Variants in FARP1 observed in about 807,000 individuals in gnomAD.
FARP1 encodes FERM, ARH/RhoGEF and pleckstrin domain protein 1.
A neutral mutation model predicts 128.8 loss-of-function variants in FARP1; 52 were observed. The observed-to-expected ratio is 0.40, with a 90% confidence interval of 0.32 to 0.51. FARP1 has a LOEUF of 0.51. Ranked by LOEUF, FARP1 falls within the 20% of genes least tolerant of loss-of-function variation. The pLI is 0.45. For synonymous variants in FARP1, 580 were observed against 551.8 expected (o/e 1.05, Z -0.72); for missense variants, 1,333 against 1,367.9 (o/e 0.97, Z 0.40).
At chr13:98,271,375 G>A (rs79207275) in intron 2 of FARP1, among the ~76,000 whole-genome samples, 4,137 of 152,178 alleles carry the variant, frequency 0.027, 177 homozygotes, top group African/African-American at 0.094. Context: ...TACATTGACA[G>A]TACTGACAAG....
chr13:98,158,221 A>G (rs2098448859), intron 1 of FARP1, among the ~76,000 whole-genome samples: 2 of 152,196 alleles, frequency 1.3e-5, no homozygotes, highest in South Asian at 4.1e-4. Context: ...ATGAGAAGAG[A>G]AAACTATTTT....
chr13:98,300,683 CT>C (rs1257741537), intron 2 of FARP1, among the ~76,000 whole-genome samples: 2 of 152,136 alleles, frequency 1.3e-5, no homozygotes, highest in Admixed American at 1.3e-4. Flanking sequence ...CCCCTCTGTA[CT>C]TTTTTTCTAA....
At position 98,435,657 on chromosome 13, in the gene FARP1, A is replaced by G; in HGVS notation, c.2225A>G (p.Glu742Gly). 1 of 1,614,148 alleles carries G rather than the reference A, an allele frequency of 6.2e-7. No individual in the cohort carries two copies. Residue 742 changes from glutamate (E) to glycine (G), a missense_variant, in exon 19 of 27, where the codon GAA becomes GGA. By Grantham distance (98) the Glu-to-Gly change is moderately conservative (BLOSUM62 -2). Coordinates refer to ENST00000319562, the MANE Select transcript of FARP1 (RefSeq NM_005766.4). Reference protein sequence around the residue: ...IKMENFQKLHELKKDLIGIDN... With the variant: ...IKMENFQKLHGLKKDLIGIDN... Reference sequence around the variant, plus strand: ...ATGGAGAATTTCCAGAAGCTGCACGAACTCAAGAAAGATTTGATTGGCATT... The same window carrying G: ...ATGGAGAATTTCCAGAAGCTGCACGGACTCAAGAAAGATTTGATTGGCATT...
In FARP1 at chr13:98,317,302, C is replaced by T. The variant is rs1414068516; in HGVS notation, c.172-26460C>T. Among the ~76,000 whole-genome samples the T allele has an allele frequency of 2.0e-5, 3 of 152,282 alleles. No individual in the cohort carries two copies. The East Asian group carries it at 5.8e-4, about 29-fold the overall frequency. ...AGAGCTGGGGTCTTGCGCTGTCACC[C>T]AGGCTGGGGTGCAGTGGTACGATCA... On this transcript the variant is annotated intron_variant, in intron 2 of 26. Transcript: ENST00000319562.
intron 2 of FARP1, among the ~76,000 whole-genome samples, chr13:98,226,074 G>A (rs566264007): frequency 3.9e-5 from 6 of 152,240 alleles, no homozygotes; most frequent in South Asian, 2.1e-4. Flanking sequence ...GTACGAGTTC[G>A]CTAGCACTGC....
At chr13:98,377,369 C>A (rs1482948665) in intron 5 of FARP1, among the ~76,000 whole-genome samples, 2 of 91,994 alleles carry the variant, frequency 2.2e-5, no homozygotes, top group Non-Finnish European at 2.3e-5. Flanking sequence ...GAAGTAGTTA[C>A]ACCACAAAAA....
At chr13:98,280,860 A>G (rs564024412) in intron 2 of FARP1, among the ~76,000 whole-genome samples, 8 of 152,348 alleles carry the variant, frequency 5.3e-5, no homozygotes, top group African/African-American at 1.4e-4. Context: ...TAATCAGAGA[A>G]AATAGATGGC....
At chr13:98,195,111 GA>G (rs1288515964) in intron 1 of FARP1, among the ~76,000 whole-genome samples, 3 of 152,176 alleles carry the variant, frequency 2.0e-5, no homozygotes, top group African/African-American at 7.2e-5. Flanking sequence ...CACTTTGTGG[GA>G]AAGTGAAATG....
chr13:98,228,602 C>A (rs1194495874), intron 2 of FARP1, among the ~76,000 whole-genome samples: 2 of 152,216 alleles, frequency 1.3e-5, no homozygotes, highest in Non-Finnish European at 2.9e-5. Flanking sequence ...TCTCGCCTTA[C>A]AGATCCATCA....
chr13:98,173,744 G>T (rs1355830567), intron 1 of FARP1, among the ~76,000 whole-genome samples: 2 of 152,210 alleles, frequency 1.3e-5, no homozygotes, highest in African/African-American at 4.8e-5. Flanking sequence ...TGACCGGAAA[G>T]ATAGGGGTTG....
chr13:98,266,389 C>G (rs1884116968), intron 2 of FARP1, among the ~76,000 whole-genome samples: 1 of 152,156 alleles, frequency 6.6e-6, no homozygotes. Flanking sequence ...GGGCCTCTGT[C>G]CTGCTCTGTA....
At position 98,453,106 on chromosome 13, in the gene FARP1, C is replaced by G. The variant is rs1893273659; in HGVS notation, c.*4789C>G. 2 of 1,593,588 alleles carry G rather than the reference C, an allele frequency of 1.3e-6. No individual in the cohort carries two copies. The highest frequency in any genetic ancestry group is 2.7e-5 in the African/African-American group (2 of 74,314). On this transcript the variant is annotated 3_prime_UTR_variant, in exon 27 of 27. Coordinates refer to ENST00000319562, the MANE Select transcript of FARP1 (RefSeq NM_005766.4). The stretch of plus-strand genomic sequence containing the variant: ...TGGAGTCAGCGAAGGCTCTCGTTGA[C>G]TTTTAAAAAAGGAGGAGGATGAAGA...
intron 12 of FARP1, among the ~76,000 whole-genome samples, chr13:98,394,442 C>G (rs928303294): frequency 1.1e-4 from 16 of 152,238 alleles, no homozygotes; most frequent in African/African-American, 3.6e-4. Flanking sequence ...CCTGATGTGC[C>G]TGCCCATCCT....
At chr13:98,287,721 T>TA (rs202032709) in intron 2 of FARP1, among the ~76,000 whole-genome samples, 42 of 151,334 alleles carry the variant, frequency 2.8e-4, no homozygotes, top group African/African-American at 9.7e-4. Context: ...GCATAATCTT[T>TA]AAAAAAAAAT....
Position 98,176,268 on chromosome 13 carries a change from G to C in FARP1, c.-24+32776G>C, listed in dbSNP as rs746445835. On this transcript the variant is annotated intron_variant, in intron 1 of 26. Transcript: ENST00000319562. This position sits in a 1 kb window ranked among gnomAD's most constrained non-coding sequence, Gnocchi z 6.2. ...ACTCATGGGGGTCTTCTGTGAAATG[G>C]GACTTGCCCCCACCTTCTGCAGCCT... 2 of 1,611,082 alleles carry C rather than the reference G, an allele frequency of 1.2e-6. No individual in the cohort carries two copies. Among genetic ancestry groups the C allele is most frequent in the South Asian group, 1.1e-5 (1 of 90,852 alleles).
At chr13:98,173,918 C>G (rs1459757070) in intron 1 of FARP1, among the ~76,000 whole-genome samples, 1 of 152,202 alleles carries the variant, frequency 6.6e-6, no homozygotes, top group Non-Finnish European at 1.5e-5. Flanking sequence ...CTGTTCTGAG[C>G]TGTTTCAGCA....
rs184407767 is a variant in FARP1 at position 98,198,141 on chromosome 13, C to A, written c.-23-15079C>A. On this transcript the variant is annotated intron_variant, in intron 1 of 26. Transcript: ENST00000319562. ...GTTATCTCTCTGATAAGGACCTCAG[C>A]AATCAGCTGAATTACCTGCCAGAGG... Among the ~76,000 whole-genome samples, 5 of 152,292 alleles carry A rather than the reference C, an allele frequency of 3.3e-5. No individual in the cohort carries two copies. In the East Asian group the frequency reaches 9.7e-4, roughly 29 times the overall value.
At chr13:98,420,563 G>T (rs909106096) in intron 16 of FARP1, among the ~76,000 whole-genome samples, 5 of 152,188 alleles carry the variant, frequency 3.3e-5, no homozygotes, top group African/African-American at 1.2e-4. Context: ...ATGTGTAGTT[G>T]CTCCTGGGAG....
intron 2 of FARP1, among the ~76,000 whole-genome samples, chr13:98,289,341 G>A (rs1266735843): frequency 6.6e-6 from 1 of 152,292 alleles, no homozygotes; most frequent in African/African-American, 2.4e-5. Flanking sequence ...GTGGTTACCC[G>A]TAAAATGGAA....
Sources: allele counts gnomAD v4.1 joint callset (sites outside exome capture counted in the v4.1 genomes callset), GRCh38; gene constraint gnomAD v4.1.1; non-coding constraint Gnocchi (gnomAD v3.1); transcripts MANE v1.5; gene names NCBI Gene and HGNC (gene_info 2026-07-23, HGNC 2026-07-21).